The following MARK4 variants were observed in gnomAD, a reference collection of about 807,000 sequenced individuals.
MARK4 encodes the protein microtubule affinity regulating kinase 4, also known as MAP/microtubule affinity-regulating kinase 4.
In MARK4, 19 loss-of-function variants were observed where a neutral mutation model predicts 81.5. The observed-to-expected ratio is 0.23, with a 90% confidence interval of 0.16 to 0.34. MARK4 has a LOEUF of 0.34. Among genes scored for constraint, MARK4 ranks in the 10% least tolerant of loss-of-function variants. The pLI is 1.00. For synonymous variants in MARK4, 436 were observed against 439.0 expected (o/e 0.99, Z 0.08); for missense variants, 772 against 1,058.8 (o/e 0.73, Z 3.76).
intron 7 of MARK4, among the ~76,000 whole-genome samples, chr19:45,267,568 C>T (rs1253360707): frequency 3.3e-5 from 5 of 152,196 alleles, no homozygotes; most frequent in Non-Finnish European, 7.3e-5. Flanking sequence ...GGCTCAAATC[C>T]GGTTGTCTTG....
At position 45,304,166 on chromosome 19, in the gene MARK4, T is replaced by G. The variant is rs1971018337; in HGVS notation, c.*1456T>G. 1 of 152,248 alleles carries G rather than the reference T, an allele frequency of 6.6e-6. No individual in the cohort carries two copies. The highest frequency in any genetic ancestry group is 1.5e-5 in the Non-Finnish European group (1 of 68,044). 9.4% of individuals were successfully genotyped at this position (152,248 alleles called of 1,614,324 possible). On this transcript the variant is annotated 3_prime_UTR_variant, in exon 17 of 17. Coordinates refer to ENST00000262891, the MANE Select transcript of MARK4 (RefSeq NM_001199867.2). ...TTCAGTGTAAGTTGAATTCTAGTAA[T>G]TTTTATCAAGTAAGGGCTCCTTTCC...
intron 4 of MARK4, 83 bp downstream of exon 4, chr19:45,263,450 G>A: frequency 6.4e-7 from 1 of 1,570,150 alleles, no homozygotes; most frequent in Admixed American, 1.7e-5. Context: ...GGTTAGAATA[G>A]TTGGAGACCC....
At chr19:45,273,074 G>A (rs930502765) in intron 8 of MARK4, among the ~76,000 whole-genome samples, 2 of 151,796 alleles carry the variant, frequency 1.3e-5, no homozygotes, top group African/African-American at 2.4e-5. Flanking sequence ...ATGCTGGCCT[G>A]TGCTATGCTG....
At chr19:45,253,710 G>A (rs1398035384) in intron 1 of MARK4, among the ~76,000 whole-genome samples, 2 of 152,192 alleles carry the variant, frequency 1.3e-5, no homozygotes, top group Non-Finnish European at 2.9e-5. Flanking sequence ...TGTTAGGGAT[G>A]TTTGCAGGAG....
At chr19:45,284,706 A>G (rs1050183881) in intron 12 of MARK4, among the ~76,000 whole-genome samples, 3 of 152,140 alleles carry the variant, frequency 2.0e-5, no homozygotes, top group Non-Finnish European at 4.4e-5. Flanking sequence ...TAATCCCAGC[A>G]CTTTGGGAGG....
chr19:45,263,668 G>A (rs1222041087), intron 4 of MARK4, among the ~76,000 whole-genome samples: 2 of 151,810 alleles, frequency 1.3e-5, no homozygotes, highest in Admixed American at 1.3e-4. Context: ...CTTGAGCCCA[G>A]GAGCCAGAGG....
At chr19:45,287,188 A>ACCAG (rs1327147085) in intron 12 of MARK4, among the ~76,000 whole-genome samples, 1 of 141,906 alleles carries the variant, frequency 7.0e-6, no homozygotes, top group Admixed American at 7.3e-5. Flanking sequence ...TGGCAACAGA[A>ACCAG]CCAGACTTTG....
Position 45,305,121 on chromosome 19 carries a change from A to G in MARK4, c.*2411A>G, listed in dbSNP as rs2123125172. ...AGATGGGGAGAGCGCAGATAGATTT[A>G]AGAGAGTCCTGTGAGGCAAAGTGGG... On this transcript the variant is annotated 3_prime_UTR_variant, in exon 17 of 17. Transcript: ENST00000262891. 1 of 152,576 alleles carries G rather than the reference A, an allele frequency of 6.6e-6. No homozygotes were observed. Among genetic ancestry groups the G allele is most frequent in the East Asian group, 1.9e-4 (1 of 5,182 alleles). 9.5% of individuals were successfully genotyped at this position (152,576 alleles called of 1,614,324 possible).
intron 13 of MARK4, 75 bp downstream of exon 13, chr19:45,287,739 A>G: frequency 6.7e-7 from 1 of 1,486,560 alleles, no homozygotes; most frequent in Non-Finnish European, 9.2e-7. Context: ...CCTTCATCTC[A>G]TTCCCCAGAC....
In MARK4 at chr19:45,266,241, A is replaced by G. The variant is rs1970451786; in HGVS notation, c.509A>G (p.His170Arg). 1 of 1,613,618 alleles carries G rather than the reference A, an allele frequency of 6.2e-7. No homozygotes were observed. The highest frequency in any genetic ancestry group is 1.3e-5 in the African/African-American group (1 of 74,822). ...AKFRQIVSAV[H>R]YCHQKNIVHR... Reference sequence around the variant, plus strand: ...CCCTCCCAGATTGTTTCGGCTGTGCACTATTGTCACCAGAAAAATATTGTA... The same window carrying G: ...CCCTCCCAGATTGTTTCGGCTGTGCGCTATTGTCACCAGAAAAATATTGTA... The change falls in exon 7 of 17, where the codon CAC (histidine) becomes CGC (arginine). Residue 170 changes from histidine to arginine, a missense_variant. Around this residue, in one of 3 missense-constraint regions of MARK4, gnomAD observed 109 missense variants for 294.7 expected, o/e 0.37. Coordinates refer to ENST00000262891, the MANE Select transcript of MARK4 (RefSeq NM_001199867.2).
chr19:45,281,557 C>CA (rs1312723997), intron 12 of MARK4, among the ~76,000 whole-genome samples: 1 of 151,860 alleles, frequency 6.6e-6, no homozygotes, highest in African/African-American at 2.4e-5. Context: ...GACAGGGTTT[C>CA]ACCATGTTGG....
chr19:45,295,459 T>A (rs1217742419), intron 14 of MARK4, among the ~76,000 whole-genome samples: 1 of 152,022 alleles, frequency 6.6e-6, no homozygotes, highest in East Asian at 1.9e-4. Context: ...TCCCTGTGCC[T>A]CTGTTTCCTC....
intron 7 of MARK4, among the ~76,000 whole-genome samples, chr19:45,270,704 A>G (rs960414463): frequency 9.2e-5 from 14 of 152,042 alleles, no homozygotes; most frequent in African/African-American, 3.1e-4. Context: ...GGTTCAAGCA[A>G]TTTTTGTGCC....
intron 10 of MARK4, among the ~76,000 whole-genome samples, chr19:45,279,705 C>T (rs1970646836): frequency 6.6e-6 from 1 of 152,082 alleles, no homozygotes; most frequent in African/African-American, 2.4e-5. Flanking sequence ...TTTATTCTGC[C>T]ACATAACTAA....
In MARK4 at chr19:45,271,456, C is replaced by T. The variant is rs769144238; in HGVS notation, c.550-16C>T. The T allele has an allele frequency of 1.9e-6, 3 of 1,612,264 alleles. No homozygotes were observed. The African/African-American group carries it at 4.0e-5, about 22-fold the overall frequency. On this transcript the variant is annotated splice_polypyrimidine_tract_variant and intron_variant, in intron 7 of 16. Coordinates refer to ENST00000262891, the MANE Select transcript of MARK4 (RefSeq NM_001199867.2). The surrounding 1 kb of genome is among the most constrained non-coding windows in gnomAD (Gnocchi z 4.1). ...CCTTGAGTCCCACTTTCCGCCCTCT[C>T]CTTCTCTCCCTGCAGGCTGAGAACC... is the stretch of plus-strand genomic sequence containing the variant.
chr19:45,274,818 G>T (rs1173081154), intron 8 of MARK4, among the ~76,000 whole-genome samples: 3 of 152,168 alleles, frequency 2.0e-5, no homozygotes, highest in Non-Finnish European at 2.9e-5. Context: ...TGCCATCCTG[G>T]TGTCCCCACC....
At chr19:45,286,724 T>TA (rs1448509404) in intron 12 of MARK4, among the ~76,000 whole-genome samples, 1 of 151,572 alleles carries the variant, frequency 6.6e-6, no homozygotes, top group African/African-American at 2.4e-5. Context: ...ATAAAAAAAT[T>TA]AAAAAAAAGA....
intron 1 of MARK4, among the ~76,000 whole-genome samples, chr19:45,257,846 C>T (rs1423614486): frequency 2.0e-5 from 3 of 151,592 alleles, no homozygotes; most frequent in African/African-American, 2.4e-5. Flanking sequence ...CATACTGCCA[C>T]GCCTGGCTAA....
chr19:45,278,193 C>A, intron 9 of MARK4, 151 bp downstream of exon 9: 2 of 1,179,464 alleles, frequency 1.7e-6, no homozygotes, highest in Non-Finnish European at 2.4e-6. Flanking sequence ...GTAGACAGGC[C>A]GTCCAGGGAA....
Sources: allele counts gnomAD v4.1 joint callset (sites outside exome capture counted in the v4.1 genomes callset), GRCh38; gene constraint gnomAD v4.1.1; regional missense constraint gnomAD v4.1.1; non-coding constraint Gnocchi (gnomAD v3.1); transcripts MANE v1.5; gene names NCBI Gene and HGNC (gene_info 2026-07-23, HGNC 2026-07-21).